APOLD1: variants seen among roughly 807,000 people sequenced by gnomAD.
The protein encoded by APOLD1 is apolipoprotein L domain-containing protein 1.
In APOLD1, 22 loss-of-function variants were observed where a neutral mutation model predicts 15.3. The observed-to-expected ratio is 1.44, with a 90% CI of 1.03 to 2.05. The LOEUF is 2.05. Ranked by LOEUF, APOLD1 falls within the 30% of genes most tolerant of loss-of-function variation. The pLI, the probability that APOLD1 is intolerant of heterozygous loss-of-function variation, is 0.00. For missense variants in APOLD1, 394 were observed against 353.5 expected (o/e 1.11, Z -0.92); for synonymous variants, 190 against 167.4 (o/e 1.13, Z -1.04).
At chr12:12,751,719 T>C (rs888604293) in intron 1 of APOLD1, among the ~76,000 whole-genome samples, 3 of 152,214 alleles carry the variant, frequency 2.0e-5, no homozygotes, top group Non-Finnish European at 4.4e-5. Context: ...CCCAAGTATG[T>C]TCACATCCTA....
At chr12:12,738,058 T>G (rs1362846035) in intron 1 of APOLD1, among the ~76,000 whole-genome samples, 1 of 152,190 alleles carries the variant, frequency 6.6e-6, no homozygotes, top group Non-Finnish European at 1.5e-5. Flanking sequence ...ATTGAATATA[T>G]GTAAAGAACT....
Position 12,787,533 on chromosome 12 carries a change from A to AC in APOLD1, c.630dup (p.Gly211ArgfsTer31). On this transcript the variant is annotated frameshift_variant, in exon 2 of 2. Coordinates refer to ENST00000356591, the MANE Select transcript of APOLD1 (RefSeq NM_030817.3). LOFTEE classifies it high-confidence loss of function. This position sits in a 1 kb window ranked among gnomAD's most constrained non-coding sequence, Gnocchi z 4.9. ...ACTGGCCGAGAGCCTGGAGTCCTGC[A>AC]CCGGGGCTCTGGACGAACTCAGCGA... 1 of 1,613,916 alleles carries AC rather than the reference A, an allele frequency of 6.2e-7. No individual in the cohort carries two copies. Among genetic ancestry groups the AC allele is most frequent in the Middle Eastern group, 1.6e-4 (1 of 6,062 alleles).
intron 1 of APOLD1, among the ~76,000 whole-genome samples, chr12:12,734,376 T>C (rs967424821): frequency 1.3e-5 from 2 of 152,236 alleles, no homozygotes; most frequent in African/African-American, 4.8e-5. Flanking sequence ...CATTTCAAGT[T>C]AGCCGACTAA....
chr12:12,769,696 G>T (rs1012864986), intron 1 of APOLD1, among the ~76,000 whole-genome samples: 2 of 152,170 alleles, frequency 1.3e-5, no homozygotes, highest in East Asian at 3.9e-4. Flanking sequence ...AGCCTAACCT[G>T]CTGGGGTTTT....
At chr12:12,769,088 C>T (rs553263425) in intron 1 of APOLD1, among the ~76,000 whole-genome samples, 20 of 151,922 alleles carry the variant, frequency 1.3e-4, no homozygotes, top group South Asian at 4.2e-4. Context: ...ATTAGCCAGT[C>T]GTGGTGGCAC....
intron 1 of APOLD1, chr12:12,771,763 A>G (rs1188129329): frequency 3.4e-6 from 1 of 290,284 alleles, no homozygotes; most frequent in African/African-American, 2.2e-5. Flanking sequence ...TAGATTATAT[A>G]TTGCATATAT....
chr12:12,760,639 CA>C (rs201360693), intron 1 of APOLD1, among the ~76,000 whole-genome samples: 3,010 of 65,552 alleles, frequency 0.046, 40 homozygotes, highest in African/African-American at 0.1. Context: ...AACTCTGTCT[CA>C]AAAAAAAAAA....
chr12:12,785,824 G>A, intron 1 of APOLD1, 130 bp downstream of exon 1: 1 of 899,800 alleles, frequency 1.1e-6, no homozygotes, highest in African/African-American at 1.6e-5. Context: ...TGAATAAGGA[G>A]ATGAGGATTC....
intron 1 of APOLD1, among the ~76,000 whole-genome samples, chr12:12,773,598 C>T (rs958992995): frequency 6.6e-6 from 1 of 152,040 alleles, no homozygotes; most frequent in African/African-American, 2.4e-5. Flanking sequence ...TTATAAAAAT[C>T]AGAGGAGAAA....
intron 1 of APOLD1, among the ~76,000 whole-genome samples, chr12:12,746,240 A>G (rs1490936295): frequency 6.6e-6 from 1 of 152,194 alleles, no homozygotes; most frequent in Non-Finnish European, 1.5e-5. Context: ...TCACGCCTGT[A>G]ATCCCAGCAC....
chr12:12,764,507 C>A, intron 1 of APOLD1: 1 of 177,412 alleles, frequency 5.6e-6, no homozygotes, highest in Non-Finnish European at 1.2e-5. Context: ...TATGTAAGAA[C>A]ACATAGCAAA....
At chr12:12,731,171 T>C (rs186155524) in intron 1 of APOLD1, among the ~76,000 whole-genome samples, 71 of 152,014 alleles carry the variant, frequency 4.7e-4, no homozygotes, top group Middle Eastern at 3.4e-3. Flanking sequence ...AAACAAAAAA[T>C]CAAATTAATG....
chr12:12,744,619 G>T (rs1359217460), intron 1 of APOLD1, among the ~76,000 whole-genome samples: 2 of 152,124 alleles, frequency 1.3e-5, no homozygotes, highest in Non-Finnish European at 2.9e-5. Context: ...TGATTTCTCA[G>T]CTCTCAACTC....
chr12:12,763,954 TTTTATTTA>T (rs556317238), intron 1 of APOLD1, among the ~76,000 whole-genome samples: 10 of 151,894 alleles, frequency 6.6e-5, no homozygotes, highest in African/African-American at 2.2e-4. Context: ...AGCACATTAT[TTTTATTTA>T]TTTATTTATT....
At chr12:12,772,330 T>G (rs1461242505) in intron 1 of APOLD1, among the ~76,000 whole-genome samples, 1 of 152,140 alleles carries the variant, frequency 6.6e-6, no homozygotes, top group Non-Finnish European at 1.5e-5. Flanking sequence ...GAAAGCAGAA[T>G]TAGCTATGCT....
rs1947163185 is a variant in APOLD1 at position 12,789,333 on chromosome 12, T to C, written c.*1681T>C. On this transcript the variant is annotated 3_prime_UTR_variant, in exon 2 of 2. Coordinates refer to ENST00000356591, the MANE Select transcript of APOLD1 (RefSeq NM_030817.3). ...GATTCTTTTTCTCTAGTGTTTTAAG[T>C]GATCCTTTGAAGTAAGTGTGGAGAG... The C allele has an allele frequency of 6.6e-6, 1 of 152,220 alleles. No individual in the cohort carries two copies. The highest frequency in any genetic ancestry group is 1.5e-5 in the Non-Finnish European group (1 of 68,046). The allele number at this position is 152,220 out of a possible 1,614,324, so 9.4% of individuals were successfully genotyped here. A position where few individuals can be genotyped will look rare whatever the true frequency, so the allele number is the denominator to read the frequency against.
intron 1 of APOLD1, among the ~76,000 whole-genome samples, chr12:12,762,855 A>T (rs960104063): frequency 6.6e-6 from 1 of 152,000 alleles, no homozygotes; most frequent in East Asian, 1.9e-4. Flanking sequence ...TTGGTTTTGA[A>T]ATCAATTAGC....
chr12:12,732,796 T>C (rs1240821622), intron 1 of APOLD1, among the ~76,000 whole-genome samples: 1 of 151,796 alleles, frequency 6.6e-6, no homozygotes, highest in East Asian at 1.9e-4. Flanking sequence ...GAATTTAATT[T>C]TGAGAAATAA....
At chr12:12,734,211 T>C (rs868795673) in intron 1 of APOLD1, among the ~76,000 whole-genome samples, 1 of 152,204 alleles carries the variant, frequency 6.6e-6, no homozygotes, top group African/African-American at 2.4e-5. Flanking sequence ...TCCATCTTTT[T>C]GCCATATGGG....
Sources: gnomAD v4.1 joint callset for allele counts (sites outside exome capture counted in the v4.1 genomes callset) on GRCh38, gnomAD v4.1.1 for gene constraint, Gnocchi (gnomAD v3.1) non-coding constraint, MANE v1.5 for transcripts, NCBI Gene and HGNC (gene_info 2026-07-23, HGNC 2026-07-21) for gene names.